The following RBBP8 variants were observed in gnomAD, a reference collection of about 807,000 sequenced individuals.
RBBP8 encodes RB binding protein 8, endonuclease, also known as DNA endonuclease RBBP8.
A neutral mutation model predicts 108.3 loss-of-function variants in RBBP8; 88 were observed. That is an observed-to-expected ratio of 0.81 (90% CI 0.68 to 0.97). The LOEUF is 0.97. Among genes scored for constraint, RBBP8 ranks in the 50% least tolerant of loss-of-function variants. RBBP8 has a pLI of 0.00. For synonymous variants in RBBP8, 332 were observed against 348.2 expected (o/e 0.95, Z 0.52); for missense variants, 1,023 against 1,049.0 (o/e 0.98, Z 0.34).
At chr18:22,964,816 C>T (rs1414536341) in intron 4 of RBBP8, among the ~76,000 whole-genome samples, 8 of 151,886 alleles carry the variant, frequency 5.3e-5, no homozygotes, top group African/African-American at 1.9e-4. Context: ...TTTCTAAAGT[C>T]TCTTTTTTGT....
chr18:22,970,050 C>T (rs189904580), intron 5 of RBBP8, among the ~76,000 whole-genome samples: 1 of 152,298 alleles, frequency 6.6e-6, no homozygotes, highest in East Asian at 1.9e-4. Flanking sequence ...ACATAGTATT[C>T]GCATATAACC....
rs1567981960 is a variant in RBBP8 at position 22,990,932 on chromosome 18, T to G, written c.808-5T>G. 5 of 1,601,688 alleles carry G rather than the reference T, an allele frequency of 3.1e-6. No individual in the cohort carries two copies. Among genetic ancestry groups the G allele is most frequent in the Non-Finnish European group, 3.4e-6 (4 of 1,169,026 alleles). On this transcript the variant is annotated splice_polypyrimidine_tract_variant and splice_region_variant and intron_variant, in intron 9 of 18. Transcript: ENST00000327155. ...ATGGATGTGCTTCATATTTTACTCTTGAAGGAAACTCAAGGTCCCATGAGC... is the reference window on the plus strand; with the variant it reads ...ATGGATGTGCTTCATATTTTACTCTGGAAGGAAACTCAAGGTCCCATGAGC...
At chr18:22,982,801 T>C (rs1392222604) in intron 7 of RBBP8, among the ~76,000 whole-genome samples, 1 of 152,226 alleles carries the variant, frequency 6.6e-6, no homozygotes, top group Non-Finnish European at 1.5e-5. Flanking sequence ...CGTAACAGGC[T>C]TGTGAGATAA....
In RBBP8 at chr18:22,926,223, G is replaced by A. The variant is rs74962771; in HGVS notation, c.-153-3160G>A. ...GGATCCCTTGAGGTCAGGAGTTCCA[G>A]ACCAGCCTAGCCAAAATGGTGAAAC... On this transcript the variant is annotated intron_variant, in intron 3 of 4. Transcript: ENST00000577588. 3.5e-3 allele frequency among the ~76,000 whole-genome samples: 533 copies of A among 152,284 alleles called. 22 individuals are homozygous for A. In the East Asian group the frequency reaches 0.089, roughly 25 times the overall value.
chr18:22,987,171 G>A (rs1012711990), intron 8 of RBBP8, among the ~76,000 whole-genome samples: 2 of 152,042 alleles, frequency 1.3e-5, no homozygotes, highest in African/African-American at 4.8e-5. Context: ...CCAACTCACT[G>A]TAATATGGAT....
chr18:23,023,242 G>C lies in RBBP8; in HGVS notation c.2596+972G>C, dbSNP rs1006443900. ...TAAATAACCTAACAAAAATTACCAG[G>C]AAAGTTATATTTAAAAAGAGAGAAT... On this transcript the variant is annotated intron_variant, in intron 18 of 18. Transcript: ENST00000327155. Among the ~76,000 whole-genome samples the C allele has an allele frequency of 2.6e-5, 4 of 152,060 alleles. No individual in the cohort carries two copies. In the South Asian group the frequency reaches 8.3e-4, roughly 32 times the overall value.
chr18:22,939,691 C>T (rs1475458109), intron 2 of RBBP8, among the ~76,000 whole-genome samples: 1 of 152,140 alleles, frequency 6.6e-6, no homozygotes, highest in Non-Finnish European at 1.5e-5. Context: ...GTTTTTTGGG[C>T]ACTTACTATG....
chr18:23,007,146 G>A (rs372172964), intron 16 of RBBP8, among the ~76,000 whole-genome samples: 1 of 149,944 alleles, frequency 6.7e-6, no homozygotes, highest in Non-Finnish European at 1.5e-5. Context: ...CCCGCCTCCC[G>A]AGTAGCTGGG....
chr18:22,919,072 G>T (rs542999640), intron 3 of RBBP8, among the ~76,000 whole-genome samples: 1 of 152,296 alleles, frequency 6.6e-6, no homozygotes, highest in South Asian at 2.1e-4. Context: ...AGCACAAGAA[G>T]ATAGAAGAGG....
chr18:22,929,465 GGTGTGTGTGTGTGT>G (rs1165994615), upstream of RBBP8: 1 of 110,714 alleles, frequency 9.0e-6, no homozygotes, highest in African/African-American at 4.2e-5. Flanking sequence ...TGTTTGGGCA[GGTGTGTGTGTGTGT>G]GTGTGTGTGT....
At chr18:23,018,277 G>C (rs1004321916) in intron 17 of RBBP8, among the ~76,000 whole-genome samples, 12 of 152,274 alleles carry the variant, frequency 7.9e-5, no homozygotes, top group Admixed American at 7.2e-4. Flanking sequence ...GGCTGGCCTC[G>C]AACTCCCGAC....
Position 22,984,870 on chromosome 18 carries a change from T to G in RBBP8, c.605-16T>G. On this transcript the variant is annotated splice_polypyrimidine_tract_variant and intron_variant, in intron 7 of 18. Transcript: ENST00000327155. ...CATTGTTTATTGTGTAATCTCTTAT[T>G]TTTTTCTCCCCTTAGAAATGAGAAA... 1 of 1,441,192 alleles carries G rather than the reference T, an allele frequency of 6.9e-7. No individual in the cohort carries two copies. Among genetic ancestry groups the G allele is most frequent in the Non-Finnish European group, 9.7e-7 (1 of 1,026,328 alleles). 89.3% of individuals were successfully genotyped at this position (1,441,192 alleles called of 1,614,324 possible). A position where few individuals can be genotyped will look rare whatever the true frequency, so the allele number is the denominator to read the frequency against.
intron 12 of RBBP8, among the ~76,000 whole-genome samples, chr18:22,995,441 A>C (rs1014190242): frequency 2.0e-5 from 3 of 152,198 alleles, no homozygotes; most frequent in Non-Finnish European, 4.4e-5. Flanking sequence ...TTTTAATTGA[A>C]ATATAAATCA....
chr18:23,003,577 A>T (rs1364941230), intron 15 of RBBP8, among the ~76,000 whole-genome samples: 1 of 152,176 alleles, frequency 6.6e-6, no homozygotes, highest in Non-Finnish European at 1.5e-5. Flanking sequence ...GTAAATTTTG[A>T]TTCTTTGAAT....
At chr18:23,022,669 A>AAAATAAAATAAAATAAAATATAC (rs1555650207) in intron 18 of RBBP8, among the ~76,000 whole-genome samples, 3 of 141,128 alleles carry the variant, frequency 2.1e-5, no homozygotes, top group Admixed American at 6.9e-5. Context: ...AAAATAAAAT[A>AAAATAAAATAAAATAAAATATAC]AATAACTGTA....
chr18:22,948,139 G>A (rs1247120754), intron 3 of RBBP8, among the ~76,000 whole-genome samples: 1 of 152,024 alleles, frequency 6.6e-6, no homozygotes, highest in Admixed American at 6.6e-5. Flanking sequence ...TTATGATACA[G>A]ATTATTTAAG....
chr18:22,968,957 A>C, intron 5 of RBBP8, 39 bp downstream of exon 5: 1 of 1,464,066 alleles, frequency 6.8e-7, no homozygotes. Context: ...AAAGTATGTA[A>C]TGTATTATTT....
At chr18:22,938,385 G>A (rs529896862) in intron 2 of RBBP8, among the ~76,000 whole-genome samples, 3 of 151,570 alleles carry the variant, frequency 2.0e-5, no homozygotes, top group African/African-American at 7.3e-5. Context: ...TCAGGGTTTC[G>A]CTATGTTGCC....
At chr18:22,924,181 T>C (rs1236974121) in intron 3 of RBBP8, among the ~76,000 whole-genome samples, 6 of 130,336 alleles carry the variant, frequency 4.6e-5, no homozygotes, top group African/African-American at 1.7e-4. Context: ...CAGGCTGGAG[T>C]GCAGTGGTGC....
Sources: gnomAD v4.1 joint callset for allele counts (sites outside exome capture counted in the v4.1 genomes callset) on GRCh38, gnomAD v4.1.1 for gene constraint, MANE v1.5 for transcripts, NCBI Gene and HGNC (gene_info 2026-07-23, HGNC 2026-07-21) for gene names.